Variants in RBL1 observed in about 807,000 individuals in gnomAD.
The protein encoded by RBL1 is retinoblastoma-like protein 1.
RBL1 carries 82 observed loss-of-function variants against 123.0 expected under a neutral mutation model. The ratio of observed to expected loss-of-function variants is 0.67; its 90% confidence interval spans 0.56 to 0.80. RBL1 has a LOEUF of 0.80. Among genes scored for constraint, RBL1 ranks in the 30% least tolerant of loss-of-function variants. The pLI, the probability that RBL1 is intolerant of heterozygous loss-of-function variation, is 0.00. For synonymous variants in RBL1, 405 were observed against 441.3 expected (o/e 0.92, Z 1.03); for missense variants, 1,171 against 1,299.6 (o/e 0.90, Z 1.52).
chr20:37,069,810 C>A (rs558693088), intron 2 of RBL1, among the ~76,000 whole-genome samples: 1 of 151,272 alleles, frequency 6.6e-6, no homozygotes, highest in East Asian at 2.0e-4. Flanking sequence ...GGGGTCAGCC[C>A]CCTGCCAGGC....
chr20:37,023,125 CTTT>C (rs373419911), intron 16 of RBL1, among the ~76,000 whole-genome samples: 12 of 145,758 alleles, frequency 8.2e-5, no homozygotes, highest in Non-Finnish European at 1.2e-4. Flanking sequence ...ATAATTTTTC[CTTT>C]TTTTTTTTTC....
At chr20:37,045,221 C>T (rs1309451904) in intron 12 of RBL1, among the ~76,000 whole-genome samples, 1 of 152,004 alleles carries the variant, frequency 6.6e-6, no homozygotes, top group Admixed American at 6.6e-5. Flanking sequence ...ATTCTCCTGC[C>T]TCAGCCTCCC....
At chr20:37,092,627 C>T (rs1356968364) in intron 1 of RBL1, among the ~76,000 whole-genome samples, 14 of 151,666 alleles carry the variant, frequency 9.2e-5, no homozygotes, top group South Asian at 2.1e-4. Flanking sequence ...CCCAAAATGT[C>T]GGGATAACAG....
chr20:37,083,852 T>A (rs527846490), intron 2 of RBL1, among the ~76,000 whole-genome samples: 1 of 151,656 alleles, frequency 6.6e-6, no homozygotes, highest in Non-Finnish European at 1.5e-5. Context: ...AATATCAATC[T>A]ACATTTTAAA....
intron 13 of RBL1, among the ~76,000 whole-genome samples, chr20:37,043,471 A>T (rs1009854152): frequency 3.3e-5 from 5 of 151,382 alleles, no homozygotes; most frequent in African/African-American, 4.9e-5. Flanking sequence ...AGCCTGGGTG[A>T]CAGAGCAAGA....
intron 13 of RBL1, among the ~76,000 whole-genome samples, chr20:37,042,314 G>A (rs568937185): frequency 6.6e-5 from 10 of 152,146 alleles, no homozygotes; most frequent in African/African-American, 1.9e-4. Flanking sequence ...AGCCACCAGG[G>A]AAATGCAAAT....
chr20:37,080,463 T>TC (rs1491211146), intron 2 of RBL1, among the ~76,000 whole-genome samples: 119 of 137,694 alleles, frequency 8.6e-4, no homozygotes, highest in Non-Finnish European at 1.1e-3. Context: ...TCTCTCTCTC[T>TC]TTTTTTTTTT....
intron 5 of RBL1, 22 bp from the exon 6 acceptor site, chr20:37,066,906 G>C (rs2065185995): frequency 6.2e-7 from 1 of 1,603,946 alleles, no homozygotes. Flanking sequence ...GTGTAGGAAG[G>C]GCAGAGGGAA....
chr20:37,070,199 C>T (rs187029583), intron 2 of RBL1, among the ~76,000 whole-genome samples: 2,939 of 152,312 alleles, frequency 0.019, 39 homozygotes, highest in Middle Eastern at 0.031. Flanking sequence ...GAAACAAGTG[C>T]TGTGTCCACT....
intron 9 of RBL1, among the ~76,000 whole-genome samples, chr20:37,057,853 T>G (rs1469559280): frequency 1.3e-5 from 2 of 152,032 alleles, no homozygotes. Flanking sequence ...CCAGGCCTGT[T>G]GGCTAACACC....
At chr20:37,040,926 C>A (rs752846284) in intron 13 of RBL1, among the ~76,000 whole-genome samples, 2 of 152,130 alleles carry the variant, frequency 1.3e-5, no homozygotes, top group Middle Eastern at 3.2e-3. Flanking sequence ...ATAAGAGCAA[C>A]GGCTTCAATA....
At chr20:36,999,947 C>A (rs1408246164) in intron 21 of RBL1, among the ~76,000 whole-genome samples, 1 of 151,912 alleles carries the variant, frequency 6.6e-6, no homozygotes, top group African/African-American at 2.4e-5. Context: ...CTCTGCCTGG[C>A]CGCCCATCGT....
chr20:37,044,033 GT>G (rs200990142), intron 13 of RBL1, 52 bp downstream of exon 13: 171,335 of 898,324 alleles, frequency 0.19, 85 homozygotes, highest in Middle Eastern at 0.25. Context: ...AATAAAGCTG[GT>G]TTTTTTTTTT....
In RBL1 at chr20:37,095,782, G is replaced by A; in HGVS notation, c.147C>T (p.Tyr49=). 1 of 1,609,060 alleles carries A rather than the reference G, an allele frequency of 6.2e-7. No homozygotes were observed. The highest frequency in any genetic ancestry group is 8.5e-7 in the Non-Finnish European group (1 of 1,177,980). The change falls in exon 1 of 22, where the codon TAC becomes TAT. Residue 49 remains tyrosine (Y), a synonymous_variant. Coordinates refer to ENST00000373664, the MANE Select transcript of RBL1 (RefSeq NM_002895.5). ...LDDFTAIRGN[Y]SLEGEVTHWL... Reference sequence around the variant, plus strand: ...ACCTGCTGCCGCTCACCTCTAGGCTGTAGTTGCCTCGGATGGCAGTAAAGT... The same window carrying A: ...ACCTGCTGCCGCTCACCTCTAGGCTATAGTTGCCTCGGATGGCAGTAAAGT...
intron 2 of RBL1, among the ~76,000 whole-genome samples, chr20:37,082,646 A>G (rs2065471213): frequency 6.6e-6 from 1 of 152,184 alleles, no homozygotes; most frequent in South Asian, 2.1e-4. Context: ...ATTATTCCCT[A>G]AAGTATACAG....
At position 37,066,727 on chromosome 20, in the gene RBL1, C is replaced by T. The variant is rs144880576; in HGVS notation, c.843G>A (p.Arg281=). Residue 281 remains arginine, a synonymous_variant, in exon 6 of 22, where the codon AGG becomes AGA. Transcript: ENST00000373664. The stretch of plus-strand genomic sequence containing the variant: ...CATCTAATTATAAGTACAGTACCTT[C>T]CTGTCAAAGAGTTTTGAAATATATG... ...FKPYISKLFD[R]KILKGECLLD... 7 of 1,610,806 alleles carry T rather than the reference C, an allele frequency of 4.3e-6. No homozygotes were observed. In the African/African-American group the frequency reaches 6.7e-5, roughly 15 times the overall value.
chr20:37,086,198 A>G (rs1438731302), intron 2 of RBL1, among the ~76,000 whole-genome samples: 1 of 152,228 alleles, frequency 6.6e-6, no homozygotes, highest in Non-Finnish European at 1.5e-5. Context: ...TATACTAACA[A>G]TGATAATGTC....
At chr20:37,018,654 T>C (rs2064293555) in intron 18 of RBL1, among the ~76,000 whole-genome samples, 1 of 152,088 alleles carries the variant, frequency 6.6e-6, no homozygotes, top group Admixed American at 6.6e-5. Flanking sequence ...GAAAGCAACT[T>C]TAAAGACCTG....
At chr20:37,078,296 G>A (rs1302819806) in intron 2 of RBL1, among the ~76,000 whole-genome samples, 1 of 152,068 alleles carries the variant, frequency 6.6e-6, no homozygotes, top group African/African-American at 2.4e-5. Context: ...TTGCAATTAC[G>A]TGAATATTCT....
Sources: gnomAD v4.1 joint callset for allele counts (sites outside exome capture counted in the v4.1 genomes callset) on GRCh38, gnomAD v4.1.1 for gene constraint, MANE v1.5 for transcripts, NCBI Gene and HGNC (gene_info 2026-07-23, HGNC 2026-07-21) for gene names.